Variants in ERCC6L2 observed in about 807,000 individuals in gnomAD.
ERCC6L2 encodes the protein DNA excision repair protein ERCC-6-like 2.
A neutral mutation model predicts 132.0 loss-of-function variants in ERCC6L2; 77 were observed. The observed-to-expected ratio is 0.58, with a 90% CI of 0.49 to 0.71. The LOEUF is 0.71. ERCC6L2 is among the 30% of genes least tolerant of loss of function. The probability of loss-of-function intolerance (pLI) is 0.00; values close to 1 mark genes in which losing one functional copy is unlikely to be tolerated. For synonymous variants in ERCC6L2, 583 were observed against 632.4 expected (o/e 0.92, Z 1.17); for missense variants, 1,542 against 1,837.6 (o/e 0.84, Z 2.94).
intron 17 of ERCC6L2, among the ~76,000 whole-genome samples, chr9:95,999,424 T>A (rs1833582083): frequency 6.6e-6 from 1 of 152,174 alleles, no homozygotes. Flanking sequence ...GTGGAATGTT[T>A]GGCAAAAATT....
intron 2 of ERCC6L2, among the ~76,000 whole-genome samples, chr9:95,888,812 C>G (rs1828010630): frequency 6.6e-6 from 1 of 152,164 alleles, no homozygotes; most frequent in African/African-American, 2.4e-5. Context: ...CTGTGCTGTT[C>G]TTCACATTCT....
In ERCC6L2 at chr9:95,920,335, T is replaced by C. The variant is rs140442420; in HGVS notation, c.1159-840T>C. On this transcript the variant is annotated intron_variant, in intron 6 of 18. Transcript: ENST00000653738. ...GCCCTTTATGATGACCTACTTCCAC[T>C]TAATGAACAGTAAAGATATTTTCAC... 1.1e-4 allele frequency among the ~76,000 whole-genome samples: 16 copies of C among 152,312 alleles called. No individual in the cohort carries two copies. In the East Asian group the frequency reaches 3.1e-3, roughly 29 times the overall value.
rs200549063 is a variant in ERCC6L2, at chr9:95,907,208, G to T, written c.725G>T (p.Arg242Met). The T allele has an allele frequency of 1.1e-4, 180 of 1,613,142 alleles. No homozygotes were observed. Among genetic ancestry groups the T allele is most frequent in the Non-Finnish European group, 5.8e-5 (69 of 1,179,762 alleles). ...AATGAATTAATTCGTGTAAAGCAGA[G>T]GAAATGTGAAATTGCTCTAACAACT... is the stretch of plus-strand genomic sequence containing the variant. ...KDNELIRVKQ[R>M]KCEIALTTYE... The change falls in exon 4 of 19, where the codon AGG becomes ATG. Residue 242 changes from arginine (R) to methionine (M), a missense_variant. This residue lies in a region of ERCC6L2 where 945 missense variants were observed against 1,105.2 expected (regional missense o/e 0.86). Transcript: ENST00000653738.
intron 16 of ERCC6L2, among the ~76,000 whole-genome samples, chr9:95,977,544 A>C (rs902197666): frequency 1.3e-5 from 2 of 152,168 alleles, no homozygotes; most frequent in African/African-American, 4.8e-5. Flanking sequence ...TTCATTTCCT[A>C]AAAAGCTCTC....
In ERCC6L2 at chr9:95,970,646, A is replaced by G. The variant is rs1194270147; in HGVS notation, c.2171A>G (p.Lys724Arg). ...TWLKEGPPAH[K>R]LEMPRQPDCQ... ...TTGAAAGAGGGACCTCCAGCACACA[A>G]ACTGGAAATGGTATGTAATATTTGA... The change falls in exon 15 of 19, where the codon AAA becomes AGA. Residue 724 changes from lysine to arginine, a missense_variant. Lys to Arg is a conservative substitution (Grantham distance 26). Around this residue, in one of 4 missense-constraint regions of ERCC6L2, gnomAD observed 945 missense variants for 1,105.2 expected, o/e 0.86. Coordinates refer to ENST00000653738, the MANE Select transcript of ERCC6L2 (RefSeq NM_020207.7). 9.2e-6 allele frequency: 12 copies of G among 1,303,530 alleles called. No homozygotes were observed. The highest frequency in any genetic ancestry group is 3.0e-5 in the African/African-American group (2 of 65,796). 80.7% of individuals were successfully genotyped at this position (1,303,530 alleles called of 1,614,324 possible). A position where few individuals can be genotyped will look rare whatever the true frequency, so the allele number is the denominator to read the frequency against.
intron 13 of ERCC6L2, among the ~76,000 whole-genome samples, chr9:95,959,227 A>T (rs995598432): frequency 6.7e-6 from 1 of 149,006 alleles, no homozygotes; most frequent in Non-Finnish European, 1.5e-5. Context: ...ATAACGCCGC[A>T]TATCTACAAC....
At position 96,015,015 on chromosome 9, in the gene ERCC6L2, GTTTTTTT is replaced by G. The variant is rs767745101; in HGVS notation, c.*1831_*1837del. On this transcript the variant is annotated 3_prime_UTR_variant, in exon 19 of 19. Coordinates refer to ENST00000653738, the MANE Select transcript of ERCC6L2 (RefSeq NM_020207.7). ...GCTCTATAGTCTTCATATATGTACAGTTTTTTTTTTTTTTTTTTTTTTTTTGAGATTG... is the reference window on the plus strand; with the variant it reads ...GCTCTATAGTCTTCATATATGTACAGTTTTTTTTTTTTTTTTTTGAGATTG... Among the ~76,000 whole-genome samples the G allele has an allele frequency of 7.6e-5, 5 of 65,430 alleles. No individual in the cohort carries two copies. The East Asian group carries it at 1.7e-3, about 22-fold the overall frequency. 42.9% of individuals were successfully genotyped at this position (65,430 alleles called of 152,430 possible). A position where few individuals can be genotyped will look rare whatever the true frequency, so the allele number is the denominator to read the frequency against.
At chr9:96,000,626 A>T (rs1833634421) in intron 17 of ERCC6L2, among the ~76,000 whole-genome samples, 1 of 152,120 alleles carries the variant, frequency 6.6e-6, no homozygotes, top group Non-Finnish European at 1.5e-5. Context: ...CACCGCTTCA[A>T]TCCCATTGAA....
rs138898460 is a variant in ERCC6L2, at chr9:95,976,231, A to G, written c.3338-1830A>G. On this transcript the variant is annotated intron_variant, in intron 16 of 18. Transcript: ENST00000653738. The stretch of plus-strand genomic sequence containing the variant: ...CGCTCTCTCTCCCTTGCTTTGCTCT[A>G]GGTCTTTTCTTGCCCTCATCCTTGT... Among the ~76,000 whole-genome samples, 97 of 152,092 alleles carry G rather than the reference A, an allele frequency of 6.4e-4. 1 individual carries two copies. The East Asian group carries it at 0.014, about 21-fold the overall frequency.
At chr9:95,881,675 T>G (rs189135042) in intron 2 of ERCC6L2, among the ~76,000 whole-genome samples, 4 of 152,312 alleles carry the variant, frequency 2.6e-5, no homozygotes, top group Admixed American at 2.6e-4. Context: ...TATAGGCCTT[T>G]TGTGCATATT....
intron 17 of ERCC6L2, among the ~76,000 whole-genome samples, chr9:95,999,525 C>T (rs1382947527): frequency 6.6e-6 from 1 of 152,190 alleles, no homozygotes; most frequent in African/African-American, 2.4e-5. Flanking sequence ...TATCTGTATA[C>T]ATGTGAGCTT....
intron 17 of ERCC6L2, among the ~76,000 whole-genome samples, chr9:96,001,544 A>G (rs1208924646): frequency 6.6e-6 from 1 of 152,156 alleles, no homozygotes; most frequent in East Asian, 1.9e-4. Context: ...TGATTGGTGT[A>G]TTTACAAACC....
intron 12 of ERCC6L2, among the ~76,000 whole-genome samples, chr9:95,954,314 A>T (rs1451245350): frequency 6.6e-6 from 1 of 152,170 alleles, no homozygotes; most frequent in Non-Finnish European, 1.5e-5. Flanking sequence ...TCATTAGGTC[A>T]TCGAGACATA....
chr9:96,012,316 C>G lies in ERCC6L2; in HGVS notation c.3766C>G (p.Gln1256Glu), dbSNP rs779859138. 12 of 1,355,718 alleles carry G rather than the reference C, an allele frequency of 8.9e-6. No individual in the cohort carries two copies. The East Asian group carries it at 5.5e-4, about 62-fold the overall frequency. The allele number at this position is 1,355,718 out of a possible 1,614,324, so 84.0% of individuals were successfully genotyped here. ...AACCAATGCCACATCAGAAGAACGA[C>G]AGAAAATGCTAAGAGACTTTTATGC... ...HITNATSEER[Q>E]KMLRDFYASQ... The change falls in exon 19 of 19, where the codon CAG becomes GAG. Residue 1256 changes from glutamine (Q) to glutamate (E), a missense_variant. Gln to Glu is a conservative substitution (Grantham distance 29, BLOSUM62 2). Coordinates refer to ENST00000653738, the MANE Select transcript of ERCC6L2 (RefSeq NM_020207.7).
At chr9:95,953,131 G>A (rs990780096) in intron 12 of ERCC6L2, among the ~76,000 whole-genome samples, 1 of 152,188 alleles carries the variant, frequency 6.6e-6, no homozygotes, top group African/African-American at 2.4e-5. Context: ...GAAAGTGCCT[G>A]TAGCTATATA....
intron 13 of ERCC6L2, among the ~76,000 whole-genome samples, chr9:95,959,716 G>A (rs1191579230): frequency 2.6e-5 from 4 of 150,950 alleles, no homozygotes; most frequent in African/African-American, 7.3e-5. Context: ...AGTGGGCAAA[G>A]GACATGAACA....
chr9:95,922,358 C>T lies in ERCC6L2; in HGVS notation c.1353C>T (p.Val451=). The change falls in exon 8 of 19, where the codon GTC becomes GTT. Residue 451 remains valine, a synonymous_variant. Transcript: ENST00000653738. ...VKTLYLSYLT[V]LQKVANHVAL... ...CCTTGTATCTCAGTTACCTTACAGT[C>T]CTTCAGAAGGTAGCTAACCATGTCG... is the stretch of plus-strand genomic sequence containing the variant. 1 of 1,613,518 alleles carries T rather than the reference C, an allele frequency of 6.2e-7. No individual in the cohort carries two copies. The highest frequency in any genetic ancestry group is 8.5e-7 in the Non-Finnish European group (1 of 1,179,628).
At chr9:95,945,054 A>G (rs965244848) in intron 12 of ERCC6L2, among the ~76,000 whole-genome samples, 1 of 152,192 alleles carries the variant, frequency 6.6e-6, no homozygotes, top group Non-Finnish European at 1.5e-5. Context: ...GGTCTGACCA[A>G]AATTTATTAG....
intron 11 of ERCC6L2, among the ~76,000 whole-genome samples, chr9:95,940,515 A>C (rs551359788): frequency 1.9e-4 from 29 of 152,170 alleles, no homozygotes; most frequent in African/African-American, 6.7e-4. Context: ...TATGTTGTTT[A>C]GTTTCCAAGT....
Sources: allele counts gnomAD v4.1 joint callset (sites outside exome capture counted in the v4.1 genomes callset), GRCh38; gene constraint gnomAD v4.1.1; regional missense constraint gnomAD v4.1.1; transcripts MANE v1.5; gene names NCBI Gene and HGNC (gene_info 2026-07-23, HGNC 2026-07-21).